The following ABCA13 variants were observed in gnomAD, a reference collection of about 807,000 sequenced individuals.
ABCA13 encodes ATP-binding cassette sub-family A member 13.
A neutral mutation model predicts 478.7 loss-of-function variants in ABCA13; 476 were observed. The ratio of observed to expected loss-of-function variants is 0.99; its 90% CI spans 0.92 to 1.07. The LOEUF (loss-of-function observed/expected upper bound fraction) is 1.07, where lower values mean the gene tolerates loss of function less well. Among genes scored for constraint, ABCA13 ranks in the 50% least tolerant of loss-of-function variants. The pLI, the probability that ABCA13 is intolerant of heterozygous loss-of-function variation, is 0.00. For synonymous variants in ABCA13, 2,252 were observed against 2,158.9 expected (o/e 1.04, Z -1.20); for missense variants, 6,060 against 5,910.6 (o/e 1.03, Z -0.83).
At chr7:48,281,980 C>T (rs1030247063) in intron 19 of ABCA13, among the ~76,000 whole-genome samples, 28 of 152,138 alleles carry the variant, frequency 1.8e-4, no homozygotes, top group African/African-American at 6.3e-4. Context: ...TCCCTACAGC[C>T]GTGGCACTTA....
At chr7:48,230,781 A>G (rs372704667) in intron 7 of ABCA13, among the ~76,000 whole-genome samples, 24 of 152,116 alleles carry the variant, frequency 1.6e-4, no homozygotes, top group African/African-American at 5.1e-4. Flanking sequence ...CCACTCACTC[A>G]TCCATTCATC....
chr7:48,387,282 C>A (rs943378146), intron 35 of ABCA13, among the ~76,000 whole-genome samples: 2 of 151,992 alleles, frequency 1.3e-5, no homozygotes, highest in Non-Finnish European at 2.9e-5. Flanking sequence ...GGCAAAGTGA[C>A]TGTTAAATGG....
At chr7:48,488,699 T>C (rs17132376) in intron 47 of ABCA13, among the ~76,000 whole-genome samples, 20,898 of 152,214 alleles carry the variant, frequency 0.14, 1,843 homozygotes, top group African/African-American at 0.23. Flanking sequence ...TTAGTGTTTT[T>C]TATGATGCTT....
At chr7:48,429,807 A>G (rs951942806) in intron 42 of ABCA13, among the ~76,000 whole-genome samples, 2 of 152,172 alleles carry the variant, frequency 1.3e-5, no homozygotes, top group Non-Finnish European at 2.9e-5. Flanking sequence ...CTCTGCATCT[A>G]TTGAGATGAT....
intron 23 of ABCA13, among the ~76,000 whole-genome samples, chr7:48,308,269 C>A (rs941517593): frequency 6.6e-6 from 1 of 152,162 alleles, no homozygotes; most frequent in African/African-American, 2.4e-5. Flanking sequence ...CAATAACATG[C>A]GTAGAGCTGT....
intron 42 of ABCA13, among the ~76,000 whole-genome samples, chr7:48,452,162 A>G (rs992525802): frequency 2.0e-5 from 3 of 152,196 alleles, no homozygotes; most frequent in Non-Finnish European, 4.4e-5. Context: ...AGACTTATCG[A>G]GGCTGTCTGA....
intron 17 of ABCA13, among the ~76,000 whole-genome samples, chr7:48,277,217 C>T (rs1796414384): frequency 1.3e-5 from 2 of 152,148 alleles, no homozygotes; most frequent in African/African-American, 4.8e-5. Flanking sequence ...GGCTGACTGT[C>T]AGGAAGGGAG....
intron 27 of ABCA13, among the ~76,000 whole-genome samples, chr7:48,333,142 T>G (rs1226289781): frequency 6.6e-6 from 1 of 152,182 alleles, no homozygotes. Context: ...TCAATCTCCT[T>G]TCTCCCTGTT....
In ABCA13 at chr7:48,520,311, T is replaced by A. The variant is rs897104287; in HGVS notation, c.14051+17T>A. ...ATGGCCAAGGTGGGTTCTGAAGGAC[T>A]CATCCTCGAGCTGCACTTACTCCTG... is the stretch of plus-strand genomic sequence containing the variant. On this transcript the variant is annotated intron_variant, in intron 53 of 61. Coordinates refer to ENST00000435803, the MANE Select transcript of ABCA13 (RefSeq NM_152701.5). The A allele has an allele frequency of 2.5e-6, 4 of 1,594,416 alleles. No homozygotes were observed. The African/African-American group carries it at 5.4e-5, about 21-fold the overall frequency.
At chr7:48,223,267 G>T (rs147359002) in intron 5 of ABCA13, among the ~76,000 whole-genome samples, 277 of 152,240 alleles carry the variant, frequency 1.8e-3, no homozygotes, top group Admixed American at 3.1e-3. Context: ...TTGCCAAGGA[G>T]GTTGTGGGAG....
intron 59 of ABCA13, among the ~76,000 whole-genome samples, chr7:48,629,138 C>G (rs886484643): frequency 6.6e-6 from 1 of 152,212 alleles, no homozygotes; most frequent in Admixed American, 6.5e-5. Context: ...ACGATTCAGT[C>G]CTAATTGCTG....
At chr7:48,578,535 A>G (rs1163302101) in intron 55 of ABCA13, among the ~76,000 whole-genome samples, 1 of 152,238 alleles carries the variant, frequency 6.6e-6, no homozygotes, top group African/African-American at 2.4e-5. Flanking sequence ...AAACTACAAA[A>G]TCCTAATGAA....
At chr7:48,640,838 T>C (rs1795053609) in intron 59 of ABCA13, among the ~76,000 whole-genome samples, 2 of 152,168 alleles carry the variant, frequency 1.3e-5, no homozygotes, top group African/African-American at 4.8e-5. Context: ...CTTTTATAAT[T>C]TTACGTTTAG....
At position 48,615,009 on chromosome 7, in the gene ABCA13, C is replaced by T. The variant is rs923752543; in HGVS notation, c.14745-276C>T. 2.0e-5 allele frequency among the ~76,000 whole-genome samples: 3 copies of T among 149,856 alleles called. 1 individual carries two copies. The highest frequency in any genetic ancestry group is 4.5e-5 in the Non-Finnish European group (3 of 67,240). ...ATGTAACAAACCTGCACATTGTGCA[C>T]ATGTACCCTAAAACTTAAAGTATAA... On this transcript the variant is annotated intron_variant, in intron 58 of 61. Coordinates refer to ENST00000435803, the MANE Select transcript of ABCA13 (RefSeq NM_152701.5).
chr7:48,255,809 C>T (rs1793300206), intron 15 of ABCA13, among the ~76,000 whole-genome samples: 1 of 152,140 alleles, frequency 6.6e-6, no homozygotes, highest in African/African-American at 2.4e-5. Flanking sequence ...GATATACATT[C>T]CTTTGGGTAT....
intron 41 of ABCA13, 98 bp downstream of exon 41, chr7:48,412,681 A>C: frequency 1.1e-5 from 7 of 612,728 alleles, no homozygotes; most frequent in Non-Finnish European, 1.7e-5. Flanking sequence ...GATGTGGGTA[A>C]GGGGGAGGAG....
At chr7:48,542,464 T>A (rs1171343075) in intron 55 of ABCA13, among the ~76,000 whole-genome samples, 1 of 151,720 alleles carries the variant, frequency 6.6e-6, no homozygotes, top group Non-Finnish European at 1.5e-5. Context: ...CTAATTATTA[T>A]CTTTTGTGTC....
intron 20 of ABCA13, among the ~76,000 whole-genome samples, chr7:48,289,891 G>T (rs927723019): frequency 2.2e-4 from 33 of 152,248 alleles, no homozygotes; most frequent in African/African-American, 7.9e-4. Context: ...CTTTTAAGAT[G>T]GGTCTGTGGT....
At chr7:48,430,672 TAAA>T (rs36121642) in intron 42 of ABCA13, among the ~76,000 whole-genome samples, 4 of 122,806 alleles carry the variant, frequency 3.3e-5, no homozygotes, top group Non-Finnish European at 5.0e-5. Flanking sequence ...AGACTCCGTC[TAAA>T]AAAAAAAAAA....
Sources: gnomAD v4.1 joint callset for allele counts (sites outside exome capture counted in the v4.1 genomes callset) on GRCh38, gnomAD v4.1.1 for gene constraint, MANE v1.5 for transcripts, NCBI Gene and HGNC (gene_info 2026-07-23, HGNC 2026-07-21) for gene names.